Variants in WIPI2 observed in about 807,000 individuals in gnomAD.
WIPI2 encodes the protein WD repeat domain phosphoinositide-interacting protein 2.
In WIPI2, 28 loss-of-function variants were observed where a neutral mutation model predicts 52.3. The observed-to-expected ratio is 0.54, with a 90% CI of 0.40 to 0.73. The LOEUF is 0.73. Among genes scored for constraint, WIPI2 ranks in the 30% least tolerant of loss-of-function variants. The pLI is 0.00. For missense variants in WIPI2, 506 were observed against 602.9 expected (o/e 0.84, Z 1.68); for synonymous variants, 268 against 245.0 (o/e 1.09, Z -0.88).
intron 3 of WIPI2, among the ~76,000 whole-genome samples, chr7:5,210,920 C>T (rs1046732035): frequency 2.0e-5 from 3 of 151,644 alleles, no homozygotes; most frequent in African/African-American, 7.3e-5. Flanking sequence ...ACTCGCGGCT[C>T]GCATAGAACT....
At chr7:5,202,918 T>C (rs780634077) in intron 3 of WIPI2, among the ~76,000 whole-genome samples, 1 of 152,206 alleles carries the variant, frequency 6.6e-6, no homozygotes, top group Non-Finnish European at 1.5e-5. Context: ...AGTTTAGAAG[T>C]TGGCTTTTTT....
intron 11 of WIPI2, among the ~76,000 whole-genome samples, chr7:5,229,141 G>A (rs956360853): frequency 6.6e-6 from 1 of 152,086 alleles, no homozygotes. Context: ...TCAGCCTCCC[G>A]AGTAGCTGGG....
intron 11 of WIPI2, 47 bp from the exon 12 acceptor site, chr7:5,229,561 G>A: frequency 6.3e-7 from 1 of 1,593,648 alleles, no homozygotes; most frequent in Non-Finnish European, 8.5e-7. Flanking sequence ...TGCCCGCAGG[G>A]CTGCCCTGTG....
chr7:5,207,920 C>G (rs963489077), intron 3 of WIPI2, among the ~76,000 whole-genome samples: 58 of 152,208 alleles, frequency 3.8e-4, no homozygotes, highest in African/African-American at 1.4e-3. Flanking sequence ...TGTGCACCAC[C>G]ACACCTGGCT....
rs1277273019 is a variant in WIPI2 at position 5,193,361 on chromosome 7, A to G, written c.128+190A>G. The G allele has an allele frequency of 2.2e-6, 3 of 1,394,398 alleles. No homozygotes were observed. The African/African-American group carries it at 4.4e-5, about 20-fold the overall frequency. 86.4% of individuals were successfully genotyped at this position (1,394,398 alleles called of 1,614,324 possible). On this transcript the variant is annotated intron_variant, in intron 2 of 12. Transcript: ENST00000288828. ...CTTGTGGGAAGTTAGTGATGTAGCAATGTCTGTTTTAAATGCCATGTCTAA... is the reference window on the plus strand; with the variant it reads ...CTTGTGGGAAGTTAGTGATGTAGCAGTGTCTGTTTTAAATGCCATGTCTAA...
rs969411313 is a variant in WIPI2, at chr7:5,227,480, G to A, written c.1013+136G>A. The A allele has an allele frequency of 1.5e-5, 19 of 1,236,500 alleles. No individual in the cohort carries two copies. The East Asian group carries it at 2.8e-4, about 18-fold the overall frequency. 76.6% of individuals were successfully genotyped at this position (1,236,500 alleles called of 1,614,324 possible). A position where few individuals can be genotyped will look rare whatever the true frequency, so the allele number is the denominator to read the frequency against. On this transcript the variant is annotated intron_variant, in intron 10 of 12. Transcript: ENST00000288828. The surrounding 1 kb of genome is among the most constrained non-coding windows in gnomAD (Gnocchi z 8.1). Reference sequence around the variant, plus strand: ...AGCCGACACTCCATCGAGAGTTGTCGGGGATGGGAGGTCCCCTGGCAGGCA... The same window carrying A: ...AGCCGACACTCCATCGAGAGTTGTCAGGGATGGGAGGTCCCCTGGCAGGCA...
chr7:5,191,088 C>A (rs1781461862), intron 1 of WIPI2, among the ~76,000 whole-genome samples: 1 of 152,072 alleles, frequency 6.6e-6, no homozygotes. Context: ...GGTGCCATCT[C>A]AGCTCACTGC....
intron 3 of WIPI2, among the ~76,000 whole-genome samples, chr7:5,212,319 AACAGGT>A (rs1782597686): frequency 6.6e-6 from 1 of 152,154 alleles, no homozygotes; most frequent in African/African-American, 2.4e-5. Context: ...TACTAGAGGC[AACAGGT>A]ACAGGATGCA....
At chr7:5,193,477 C>G (rs111806699) in intron 2 of WIPI2, 8 of 543,312 alleles carry the variant, frequency 1.5e-5, no homozygotes, top group African/African-American at 1.2e-4. Context: ...CAGGAGAAAC[C>G]TGTTGTTTTC....
chr7:5,229,578 C>CAGCCCTGTGT, intron 11 of WIPI2, 30 bp from the exon 12 acceptor site: 1 of 1,604,772 alleles, frequency 6.2e-7, no homozygotes, highest in East Asian at 2.2e-5. Context: ...TGTGTGGAGA[C>CAGCCCTGTGT]GCTGAGCTGT....
chr7:5,191,886 T>C (rs1044362548), intron 1 of WIPI2, among the ~76,000 whole-genome samples: 4 of 152,154 alleles, frequency 2.6e-5, no homozygotes, highest in African/African-American at 9.7e-5. Flanking sequence ...TGGGACTGTA[T>C]TGAGAGTCGG....
chr7:5,231,026 T>C lies in WIPI2; in HGVS notation c.*79T>C. 7.9e-7 allele frequency: 1 copy of C among 1,267,530 alleles called. No individual in the cohort carries two copies. The allele number at this position is 1,267,530 out of a possible 1,614,324, so 78.5% of individuals were successfully genotyped here. A position where few individuals can be genotyped will look rare whatever the true frequency, so the allele number is the denominator to read the frequency against. On this transcript the variant is annotated 3_prime_UTR_variant, in exon 13 of 13. Coordinates refer to ENST00000288828, the MANE Select transcript of WIPI2 (RefSeq NM_015610.4). Reference sequence around the variant, plus strand: ...ACTTTGTGCATTGCTGCTATGAACTTTGACCTGAGTCGGGGGAGAGGATGG... The same window carrying C: ...ACTTTGTGCATTGCTGCTATGAACTCTGACCTGAGTCGGGGGAGAGGATGG...
intron 1 of WIPI2, among the ~76,000 whole-genome samples, chr7:5,191,042 CAG>C (rs1380747017): frequency 2.0e-5 from 3 of 151,942 alleles, no homozygotes; most frequent in African/African-American, 4.8e-5. Context: ...TGTTTTGAGA[CAG>C]AGTCTTGCTC....
chr7:5,197,887 G>A (rs144970577), intron 2 of WIPI2, among the ~76,000 whole-genome samples: 51 of 152,216 alleles, frequency 3.4e-4, no homozygotes, highest in African/African-American at 1.2e-3. Flanking sequence ...CTGCTTGTTC[G>A]CTCATCTTTC....
chr7:5,199,596 A>G lies in WIPI2; in HGVS notation c.149A>G (p.Lys50Arg). ...TGCAGGTCCCTAGCTGTTGGTAGTA[A>G]GTCCGGTTATAAATTTTTCTCCCTT... The part of the protein sequence containing the change: ...AVVWSLAVGS[K>R]SGYKFFSLSS... Residue 50 changes from lysine to arginine, a missense_variant, in exon 3 of 13, where the codon AAG becomes AGG. By Grantham distance (26) the Lys-to-Arg change is conservative. Around this residue, in one of 4 missense-constraint regions of WIPI2, gnomAD observed 60 missense variants for 49.7 expected, o/e 1.21. Coordinates refer to ENST00000288828, the MANE Select transcript of WIPI2 (RefSeq NM_015610.4). 1 of 1,613,682 alleles carries G rather than the reference A, an allele frequency of 6.2e-7. No individual in the cohort carries two copies. Among genetic ancestry groups the G allele is most frequent in the Non-Finnish European group, 8.5e-7 (1 of 1,179,924 alleles).
In WIPI2 at chr7:5,231,054, G is replaced by C; in HGVS notation, c.*107G>C. ...ACCTGAGTCGGGGGAGAGGATGGCA[G>C]AGACTTTATTAAAAAAAAAAAAAGA... On this transcript the variant is annotated 3_prime_UTR_variant, in exon 13 of 13. Transcript: ENST00000288828. 1 of 793,516 alleles carries C rather than the reference G, an allele frequency of 1.3e-6. No homozygotes were observed. The highest frequency in any genetic ancestry group is 2.6e-5 in the South Asian group (1 of 37,862). The allele number at this position is 793,516 out of a possible 1,614,324, so 49.2% of individuals were successfully genotyped here. A position where few individuals can be genotyped will look rare whatever the true frequency, so the allele number is the denominator to read the frequency against.
intron 2 of WIPI2, among the ~76,000 whole-genome samples, chr7:5,195,712 TATCA>T (rs1781715153): frequency 6.6e-6 from 1 of 152,082 alleles, no homozygotes; most frequent in South Asian, 2.1e-4. Context: ...GAGACGAAAA[TATCA>T]ATCATATTTA....
At chr7:5,220,489 T>C (rs112953322) in intron 7 of WIPI2, among the ~76,000 whole-genome samples, 51 of 152,242 alleles carry the variant, frequency 3.3e-4, no homozygotes, top group Middle Eastern at 3.4e-3. Context: ...TCCACCCGCC[T>C]TGGCCTCCCA....
chr7:5,225,137 C>CT lies in WIPI2; in HGVS notation c.741-673dup, dbSNP rs569592524. ...TTCCCTGTTGAAAGTTTTGCTCTGT[C>CT]TTTTTTTTTTTTTAAATAATTGAGA... On this transcript the variant is annotated intron_variant, in intron 8 of 12. Coordinates refer to ENST00000288828, the MANE Select transcript of WIPI2 (RefSeq NM_015610.4). 2.2e-3 allele frequency among the ~76,000 whole-genome samples: 312 copies of CT among 144,904 alleles called. 1 individual carries two copies. Among genetic ancestry groups the CT allele is most frequent in the African/African-American group, 5.6e-3 (221 of 39,736 alleles).
Sources: gnomAD v4.1 joint callset for allele counts (sites outside exome capture counted in the v4.1 genomes callset) on GRCh38, gnomAD v4.1.1 for gene constraint, gnomAD v4.1.1 regional missense constraint, Gnocchi (gnomAD v3.1) non-coding constraint, MANE v1.5 for transcripts, NCBI Gene and HGNC (gene_info 2026-07-23, HGNC 2026-07-21) for gene names.